CHAF1A: variants seen among roughly 807,000 people sequenced by gnomAD.
The protein encoded by CHAF1A is CAF-1 subunit A.
A neutral mutation model predicts 93.2 loss-of-function variants in CHAF1A; 5 were observed. The ratio of observed to expected loss-of-function variants is 0.05; its 90% confidence interval spans 0.03 to 0.11. The LOEUF is 0.11. CHAF1A is among the 10% of genes least tolerant of loss of function. The pLI, the probability that CHAF1A is intolerant of heterozygous loss-of-function variation, is 1.00. For missense variants in CHAF1A, 1,102 were observed against 1,259.9 expected (o/e 0.87, Z 1.90); for synonymous variants, 504 against 510.3 (o/e 0.99, Z 0.17).
rs754366759 is a variant in CHAF1A, at chr19:4,422,536, C to T, written c.1018-30C>T. 6 of 1,547,146 alleles carry T rather than the reference C, an allele frequency of 3.9e-6. No homozygotes were observed. Among genetic ancestry groups the T allele is most frequent in the Non-Finnish European group, 5.3e-6 (6 of 1,142,750 alleles). On this transcript the variant is annotated intron_variant, in intron 4 of 14. Coordinates refer to ENST00000301280, the MANE Select transcript of CHAF1A (RefSeq NM_005483.3). The surrounding 1 kb of genome is among the most constrained non-coding windows in gnomAD (Gnocchi z 4.6). ...TTCCTCCTGGGAGTTGGAGGGAGGG[C>T]CACCTGTCACTTGCCACACTGTCTT... is the stretch of plus-strand genomic sequence containing the variant.
At chr19:4,426,724 T>A (rs1431457876) in intron 7 of CHAF1A, among the ~76,000 whole-genome samples, 2 of 152,118 alleles carry the variant, frequency 1.3e-5, no homozygotes. Flanking sequence ...TCCGCCTACC[T>A]CGGCCTCCCA....
downstream of CHAF1A, chr19:4,448,453 G>A: frequency 1.9e-6 from 3 of 1,543,414 alleles, no homozygotes; most frequent in Non-Finnish European, 2.6e-6. Flanking sequence ...CTCACTGAGA[G>A]CCCGGGCCGC....
chr19:4,412,540 G>A (rs542838203), intron 3 of CHAF1A, among the ~76,000 whole-genome samples: 33 of 151,380 alleles, frequency 2.2e-4, no homozygotes, highest in Admixed American at 3.3e-4. Context: ...ACAAAACTCC[G>A]TCTCAAGAAA....
chr19:4,443,096 T>G lies in CHAF1A; in HGVS notation c.*71T>G, dbSNP rs762056431. On this transcript the variant is annotated 3_prime_UTR_variant, in exon 15 of 15. Coordinates refer to ENST00000301280, the MANE Select transcript of CHAF1A (RefSeq NM_005483.3). Reference sequence around the variant, plus strand: ...GAGCAGATACTTGAACCGACTCAATTCCTGTGTAAAGAGCACTTTGTCCTG... The same window carrying G: ...GAGCAGATACTTGAACCGACTCAATGCCTGTGTAAAGAGCACTTTGTCCTG... 19 of 1,018,876 alleles carry G rather than the reference T, an allele frequency of 1.9e-5. No homozygotes were observed. The highest frequency in any genetic ancestry group is 1.5e-4 in the South Asian group (11 of 73,366). 63.1% of individuals were successfully genotyped at this position (1,018,876 alleles called of 1,614,324 possible).
At chr19:4,440,135 A>C (rs1027890490) in intron 13 of CHAF1A, among the ~76,000 whole-genome samples, 1 of 152,156 alleles carries the variant, frequency 6.6e-6, no homozygotes. Flanking sequence ...GTTTTTGTAG[A>C]GGAAGAATTC....
At chr19:4,419,981 C>T (rs1350634999) in intron 4 of CHAF1A, among the ~76,000 whole-genome samples, 2 of 152,060 alleles carry the variant, frequency 1.3e-5, no homozygotes, top group Non-Finnish European at 1.5e-5. Context: ...TCGTGTGTCT[C>T]GTATATCAGA....
chr19:4,427,926 C>T lies in CHAF1A; in HGVS notation c.1378-738C>T, dbSNP rs368639886. On this transcript the variant is annotated intron_variant, in intron 7 of 14. Coordinates refer to ENST00000301280, the MANE Select transcript of CHAF1A (RefSeq NM_005483.3). ...TTTAGTAGAGACGGGGTTTCACCAT[C>T]TTGGCCAGGCTGGTCTCGAACTCCT... Among the ~76,000 whole-genome samples, 3 of 150,722 alleles carry T rather than the reference C, an allele frequency of 2.0e-5. No homozygotes were observed. The South Asian group carries it at 6.4e-4, about 32-fold the overall frequency.
At chr19:4,446,471 CCACT>C, downstream of CHAF1A, 3 of 1,593,032 alleles carry the variant, frequency 1.9e-6, no homozygotes, top group Non-Finnish European at 2.6e-6. Context: ...CCGCCCCGCC[CCACT>C]CTGCTCCGCG....
downstream of CHAF1A, chr19:4,448,372 T>C (rs1974583801): frequency 1.2e-6 from 2 of 1,610,540 alleles, no homozygotes; most frequent in African/African-American, 1.3e-5. Context: ...GTTGAACGTG[T>C]AGATCTTCAT....
chr19:4,409,721 A>C lies in CHAF1A; in HGVS notation c.922A>C (p.Ser308Arg). Residue 308 changes from serine (S) to arginine (R), a missense_variant, in exon 3 of 15, where the codon AGT (serine) becomes CGT (arginine). This residue lies in a region of CHAF1A where 379 missense variants were observed against 365.7 expected (regional missense o/e 1.04). Coordinates refer to ENST00000301280, the MANE Select transcript of CHAF1A (RefSeq NM_005483.3). ...GCCTGCTCCCCCAAAGCAGCACAGC[A>C]GTACCAGTCCCTTCCCCACCTCCAC... is the stretch of plus-strand genomic sequence containing the variant. ...GPPAPPKQHS[S>R]TSPFPTSTPL... The C allele has an allele frequency of 6.2e-7, 1 of 1,614,050 alleles. No individual in the cohort carries two copies. Among genetic ancestry groups the C allele is most frequent in the Non-Finnish European group, 8.5e-7 (1 of 1,179,964 alleles).
At chr19:4,402,880 C>A in intron 1 of CHAF1A, 66 bp downstream of exon 1, 1 of 1,009,080 alleles carries the variant, frequency 9.9e-7, no homozygotes, top group Admixed American at 4.5e-5. Flanking sequence ...GCCGAGGCGG[C>A]GATGGGAGGC....
At position 4,418,185 on chromosome 19, in the gene CHAF1A, C is replaced by T. The variant is rs939000012; in HGVS notation, c.1017+109C>T. 3 of 646,266 alleles carry T rather than the reference C, an allele frequency of 4.6e-6. No individual in the cohort carries two copies. The Admixed American group carries it at 8.9e-5, about 19-fold the overall frequency. 40.0% of individuals were successfully genotyped at this position (646,266 alleles called of 1,614,324 possible). ...GGTCTAGTTTTTACATTTTCCCCAG[C>T]CTTCTCTGACCATCATTTTGATTCC... On this transcript the variant is annotated intron_variant, in intron 4 of 14. Coordinates refer to ENST00000301280, the MANE Select transcript of CHAF1A (RefSeq NM_005483.3).
In CHAF1A at chr19:4,422,855, C is replaced by A; in HGVS notation, c.1247+60C>A. On this transcript the variant is annotated intron_variant, in intron 5 of 14. Transcript: ENST00000301280. The surrounding 1 kb of genome is among the most constrained non-coding windows in gnomAD (Gnocchi z 4.6). ...CCCTGCTGCTGGATTCCGCTCCTGG[C>A]CACTCTGATGGGGCCTTTCCACTTC... 6.7e-7 allele frequency: 1 copy of A among 1,493,326 alleles called. No homozygotes were observed. Among genetic ancestry groups the A allele is most frequent in the Non-Finnish European group, 9.3e-7 (1 of 1,079,152 alleles). 92.5% of individuals were successfully genotyped at this position (1,493,326 alleles called of 1,614,324 possible).
rs754881255 is a variant in CHAF1A, at chr19:4,443,021, C to T, written c.2867C>T (p.Ser956Phe). Reference protein sequence around the residue: ...ATLTASPLGAS With the variant: ...ATLTASPLGAF ...CTGACCGCGAGCCCACTGGGTGCAT[C>T]CTGAGAGCAGGGGTGACGTATGTAG... The change falls in exon 15 of 15, where the codon TCC (serine) becomes TTC (phenylalanine). Residue 956 changes from serine to phenylalanine, a missense_variant. By Grantham distance (155) the Ser-to-Phe change is radical. Around this residue, in one of 6 missense-constraint regions of CHAF1A, gnomAD observed 119 missense variants for 102.2 expected, o/e 1.16. Coordinates refer to ENST00000301280, the MANE Select transcript of CHAF1A (RefSeq NM_005483.3). 6.3e-7 allele frequency: 1 copy of T among 1,579,756 alleles called. No individual in the cohort carries two copies. The highest frequency in any genetic ancestry group is 8.6e-7 in the Non-Finnish European group (1 of 1,159,810).
At chr19:4,434,574 C>T (rs1224513644) in intron 13 of CHAF1A, among the ~76,000 whole-genome samples, 7 of 152,156 alleles carry the variant, frequency 4.6e-5, no homozygotes, top group Admixed American at 4.6e-4. Context: ...TTCCAGATTG[C>T]CCTGTAGCTG....
At chr19:4,448,764 A>G, downstream of CHAF1A, 1 of 275,358 alleles carries the variant, frequency 3.6e-6, no homozygotes, top group South Asian at 4.3e-5. Flanking sequence ...GGCCACCGCC[A>G]CTTACAGAAC....
chr19:4,412,958 T>A (rs1973833218), intron 3 of CHAF1A, among the ~76,000 whole-genome samples: 1 of 152,190 alleles, frequency 6.6e-6, no homozygotes, highest in Non-Finnish European at 1.5e-5. Context: ...ATCCCTGAGA[T>A]CCCAGCTGAG....
chr19:4,422,823 C>T lies in CHAF1A; in HGVS notation c.1247+28C>T, dbSNP rs1162956937. On this transcript the variant is annotated intron_variant, in intron 5 of 14. Coordinates refer to ENST00000301280, the MANE Select transcript of CHAF1A (RefSeq NM_005483.3). This position sits in a 1 kb window ranked among gnomAD's most constrained non-coding sequence, Gnocchi z 4.6. ...GAGTGTCCTTGGAGGCCATGCTGGG[C>T]CCGCCACCCTGCTGCTGGATTCCGC... The T allele has an allele frequency of 6.2e-7, 1 of 1,600,098 alleles. No homozygotes were observed. The highest frequency in any genetic ancestry group is 8.5e-7 in the Non-Finnish European group (1 of 1,169,974).
chr19:4,447,753 G>T, downstream of CHAF1A: 1 of 903,508 alleles, frequency 1.1e-6, no homozygotes, highest in Non-Finnish European at 1.8e-6. Context: ...AAGCGGCCCA[G>T]TGACGCGAGG....
Sources: gnomAD v4.1 joint callset for allele counts (sites outside exome capture counted in the v4.1 genomes callset) on GRCh38, gnomAD v4.1.1 for gene constraint, gnomAD v4.1.1 regional missense constraint, Gnocchi (gnomAD v3.1) non-coding constraint, MANE v1.5 for transcripts, NCBI Gene and HGNC (gene_info 2026-07-23, HGNC 2026-07-21) for gene names.